Variants in SMG1 observed in about 807,000 individuals in gnomAD.
SMG1 encodes SMG1 nonsense mediated mRNA decay associated PI3K related kinase.
SMG1 carries 22 observed loss-of-function variants against 419.9 expected under a neutral mutation model. The ratio of observed to expected loss-of-function variants is 0.05; its 90% CI spans 0.04 to 0.07. SMG1 has a LOEUF of 0.07. SMG1 is among the 10% of genes least tolerant of loss of function. The pLI, the probability that SMG1 is intolerant of heterozygous loss-of-function variation, is 1.00. For synonymous variants in SMG1, 1,538 were observed against 1,553.5 expected, an observed-to-expected ratio of 0.99 and a Z score of 0.23; for missense variants, 3,185 against 4,342.0, an observed-to-expected ratio of 0.73 and a Z score of 7.49.
intron 38 of SMG1, 36 bp from the exon 39 acceptor site, chr16:18,845,687 T>C (rs1293489566): frequency 6.5e-7 from 1 of 1,536,662 alleles, no homozygotes; most frequent in Non-Finnish European, 8.9e-7. Flanking sequence ...AAAACTTAAA[T>C]GTGTACATTA....
chr16:18,889,830 A>C (rs2141798187), intron 5 of SMG1, among the ~76,000 whole-genome samples: 2 of 152,350 alleles, frequency 1.3e-5, no homozygotes, highest in East Asian at 3.9e-4. Context: ...CAGTGAGGGA[A>C]GGCCCAAAAA....
At chr16:18,851,392 T>TACAC (rs71374432) in intron 33 of SMG1, among the ~76,000 whole-genome samples, 1 of 149,966 alleles carries the variant, frequency 6.7e-6, no homozygotes, top group African/African-American at 2.5e-5. Flanking sequence ...TAAGTTTAAA[T>TACAC]ACACACACAC....
In SMG1 at chr16:18,845,552, T is replaced by C. The variant is rs2034209546; in HGVS notation, c.6096A>G (p.Ala2032=). 3 of 1,613,860 alleles carry C rather than the reference T, an allele frequency of 1.9e-6. No individual in the cohort carries two copies. The highest frequency in any genetic ancestry group is 8.5e-7 in the Non-Finnish European group (1 of 1,179,890). ...EHVRSITAAP[A]ETPHEKWFQD... ...GAAACCATTTTTCATGAGGTGTTTCTGCAGGAGCCGCTGTGATACTCCTCA... is the reference window on the plus strand; with the variant it reads ...GAAACCATTTTTCATGAGGTGTTTCCGCAGGAGCCGCTGTGATACTCCTCA... The change falls in exon 39 of 63, where the codon GCA becomes GCG. Residue 2032 remains alanine (A), a synonymous_variant. Transcript: ENST00000446231.
At chr16:18,874,293 C>G (rs2035984375) in intron 13 of SMG1, among the ~76,000 whole-genome samples, 1 of 151,848 alleles carries the variant, frequency 6.6e-6, no homozygotes, top group Non-Finnish European at 1.5e-5. Context: ...TGTGCACCAC[C>G]ACCCCTGGCT....
At chr16:18,852,581 C>G (rs2141399929) in intron 31 of SMG1, 119 bp from the exon 32 acceptor site, 2 of 830,412 alleles carry the variant, frequency 2.4e-6, no homozygotes, top group Admixed American at 3.5e-5. Flanking sequence ...ATCAAAAGTT[C>G]CAAAATATTA....
At chr16:18,863,299 T>TTG in intron 25 of SMG1, among the ~76,000 whole-genome samples, 1 of 152,262 alleles carries the variant, frequency 6.6e-6, no homozygotes, top group Admixed American at 6.5e-5. Flanking sequence ...ATGTTTTTGA[T>TTG]ATATTCAGAC....
chr16:18,898,524 T>A (rs1029259424), intron 1 of SMG1, among the ~76,000 whole-genome samples: 3 of 152,204 alleles, frequency 2.0e-5, no homozygotes, highest in African/African-American at 7.2e-5. Flanking sequence ...CTTATGTACC[T>A]AAAAATAGCA....
At chr16:18,856,242 A>T (rs560916149) in intron 29 of SMG1, 1 of 152,092 alleles carries the variant, frequency 6.6e-6, no homozygotes, top group Non-Finnish European at 1.5e-5. Flanking sequence ...AGCTCGCTGC[A>T]GCCTTCATTT....
chr16:18,852,484 T>A (rs1216435769), intron 31 of SMG1, 22 bp from the exon 32 acceptor site: 1 of 1,473,994 alleles, frequency 6.8e-7, no homozygotes, highest in Admixed American at 2.6e-5. Context: ...GACAAAAAAA[T>A]AATTATAATA....
chr16:18,817,217 AT>A, intron 57 of SMG1, 73 bp downstream of exon 57: 1 of 1,285,650 alleles, frequency 7.8e-7, no homozygotes. Context: ...TGTAATCGGA[AT>A]GTATATATTA....
chr16:18,869,066 T>C, intron 20 of SMG1, 38 bp downstream of exon 20: 2 of 1,520,678 alleles, frequency 1.3e-6, no homozygotes, highest in Non-Finnish European at 1.8e-6. Flanking sequence ...TTAATAAGGC[T>C]TTGAAAGTAT....
intron 33 of SMG1, among the ~76,000 whole-genome samples, chr16:18,851,122 T>C (rs977274627): frequency 6.6e-6 from 1 of 152,224 alleles, no homozygotes; most frequent in African/African-American, 2.4e-5. Flanking sequence ...AGAATACATA[T>C]ACTAAACCTC....
intron 1 of SMG1, among the ~76,000 whole-genome samples, chr16:18,919,324 C>A (rs2038095812): frequency 6.7e-6 from 1 of 149,282 alleles, no homozygotes; most frequent in Non-Finnish European, 1.5e-5. Context: ...GAGACCCCAT[C>A]TCTAAAAAAA....
At chr16:18,876,081 C>T in intron 13 of SMG1, 43 bp downstream of exon 13, 1 of 1,603,780 alleles carries the variant, frequency 6.2e-7, no homozygotes, top group Non-Finnish European at 8.5e-7. Context: ...TGAGAAAAGG[C>T]TTAACTGTGG....
chr16:18,839,921 T>C lies in SMG1; in HGVS notation c.6722A>G (p.Gln2241Arg). Residue 2241 changes from glutamine (Q) to arginine (R), a missense_variant, in exon 42 of 63, where the codon CAG becomes CGG. Transcript: ENST00000446231. Reference protein sequence around the residue: ...QKAQDSYQTPQNPGIVPRPSE... With the variant: ...QKAQDSYQTPRNPGIVPRPSE... ...AGGACGGGGTACAATTCCAGGATTC[T>C]GAGGAGTTTGGTAGGAATCTTGGGC... 6.2e-7 allele frequency: 1 copy of C among 1,600,322 alleles called. No homozygotes were observed. The highest frequency in any genetic ancestry group is 1.7e-5 in the Admixed American group (1 of 57,394).
intron 1 of SMG1, among the ~76,000 whole-genome samples, chr16:18,923,256 G>T (rs575281528): frequency 1.6e-4 from 24 of 152,306 alleles, no homozygotes; most frequent in African/African-American, 5.3e-4. Context: ...CAGTATGTGT[G>T]AAGTATCATG....
At position 18,872,246 on chromosome 16, in the gene SMG1, G is replaced by T. The variant is rs2035861285; in HGVS notation, c.2121C>A (p.Phe707Leu). The part of the protein sequence containing the change: ...STVTTATKKH[F>L]SIILNLLGIL... ...TTCCCAGAAGATTTAATATAATTGAGAAATGTTTCTTTGTAGCCGTAGTTA... is the reference window on the plus strand; with the variant it reads ...TTCCCAGAAGATTTAATATAATTGATAAATGTTTCTTTGTAGCCGTAGTTA... The change falls in exon 15 of 63, where the codon TTC becomes TTA. Residue 707 changes from phenylalanine to leucine, a missense_variant. Physicochemically the swap from Phe to Leu is conservative, Grantham distance 22 (BLOSUM62 0). Transcript: ENST00000446231. 2 of 1,591,378 alleles carry T rather than the reference G, an allele frequency of 1.3e-6. No individual in the cohort carries two copies. Among genetic ancestry groups the T allele is most frequent in the East Asian group, 4.5e-5 (2 of 44,720 alleles).
intron 1 of SMG1, among the ~76,000 whole-genome samples, chr16:18,916,116 A>G (rs2037966613): frequency 6.9e-6 from 1 of 144,874 alleles, no homozygotes; most frequent in South Asian, 2.2e-4. Context: ...AACCACCACC[A>G]CTTATACATA....
intron 13 of SMG1, chr16:18,875,638 C>G (rs2141654307): frequency 6.4e-6 from 1 of 155,580 alleles, no homozygotes; most frequent in East Asian, 1.9e-4. Context: ...CAAAACACTT[C>G]CAGTCCCAAG....
Sources: allele counts gnomAD v4.1 joint callset (sites outside exome capture counted in the v4.1 genomes callset), GRCh38; gene constraint gnomAD v4.1.1; transcripts MANE v1.5; gene names NCBI Gene and HGNC (gene_info 2026-07-23, HGNC 2026-07-21).